Variants in PRX observed in about 807,000 individuals in gnomAD.
The protein encoded by PRX is periaxin.
In PRX, 24 loss-of-function variants were observed where a neutral mutation model predicts 29.6. That is an observed-to-expected ratio of 0.81 (90% CI 0.59 to 1.14). PRX has a LOEUF of 1.14. Among genes scored for constraint, PRX ranks in the 50% most tolerant of loss-of-function variants. The pLI is 0.00. For synonymous variants in PRX, 772 were observed against 831.7 expected (o/e 0.93, Z 1.24); for missense variants, 1,838 against 1,926.4 (o/e 0.95, Z 0.86).
chr19:40,402,509 C>T (rs191794372), intron 5 of PRX, among the ~76,000 whole-genome samples: 29 of 152,000 alleles, frequency 1.9e-4, no homozygotes, highest in Non-Finnish European at 3.2e-4. Flanking sequence ...CGGTGGCTCA[C>T]ACCTGTAATC....
Position 40,394,560 on chromosome 19 carries a change from C to A in PRX, c.3792G>T (p.Gln1264His). ...AGAAGGTACGCTCGGCCCCTGGGGG[C>A]TGCTCCTCAGCACCCTCGCCCCCCA... ...ARVGGEGAEE[Q>H]PPGAERTFCL... The change falls in exon 7 of 7, where the codon CAG (glutamine) becomes CAT (histidine). Residue 1264 changes from glutamine to histidine, a missense_variant. Transcript: ENST00000324001. This position sits in a 1 kb window ranked among gnomAD's most constrained non-coding sequence, Gnocchi z 5.8. The A allele has an allele frequency of 1.2e-6, 2 of 1,608,362 alleles. No homozygotes were observed. Among genetic ancestry groups the A allele is most frequent in the Non-Finnish European group, 1.7e-6 (2 of 1,178,370 alleles).
At chr19:40,399,502 T>C (rs976504092) in intron 5 of PRX, among the ~76,000 whole-genome samples, 1 of 152,198 alleles carries the variant, frequency 6.6e-6, no homozygotes, top group African/African-American at 2.4e-5. Flanking sequence ...ACATCTGAAC[T>C]GCTCCTCTCA....
At chr19:40,407,005 C>T (rs549250664) in intron 4 of PRX, among the ~76,000 whole-genome samples, 77 of 152,116 alleles carry the variant, frequency 5.1e-4, no homozygotes, top group Middle Eastern at 3.4e-3. Context: ...AACTCCTAAC[C>T]TCAAGTGATC....
chr19:40,403,755 CCGAA>C lies in PRX; in HGVS notation c.131_134del (p.Val44GlyfsTer22). Reference sequence around the variant, plus strand: ...CGGCGGGTGAGTCCTCGCGCAGCTCCCGAACGAAGATTCCCTCTTTGCCGCCGCC... The same window carrying C: ...CGGCGGGTGAGTCCTCGCGCAGCTCCCGAAGATTCCCTCTTTGCCGCCGCC... On this transcript the variant is annotated frameshift_variant, in exon 5 of 7. Transcript: ENST00000324001. LOFTEE classifies it high-confidence loss of function. 2 of 1,586,244 alleles carry C rather than the reference CCGAA, an allele frequency of 1.3e-6. No individual in the cohort carries two copies. The highest frequency in any genetic ancestry group is 1.7e-6 in the Non-Finnish European group (2 of 1,167,544).
chr19:40,401,527 A>T, intron 5 of PRX, among the ~76,000 whole-genome samples: 1 of 152,186 alleles, frequency 6.6e-6, no homozygotes. Flanking sequence ...CAGCCCTCAC[A>T]GAATAAAAGC....
intron 5 of PRX, among the ~76,000 whole-genome samples, chr19:40,401,803 T>C (rs2145738668): frequency 6.6e-6 from 1 of 151,568 alleles, no homozygotes; most frequent in East Asian, 1.9e-4. Flanking sequence ...AGTTTTGCTC[T>C]TTCGCCCAGG....
At chr19:40,407,762 C>T in intron 4 of PRX, 144 bp downstream of exon 4, 1 of 1,142,558 alleles carries the variant, frequency 8.8e-7, no homozygotes. Context: ...CTCACAGTGA[C>T]CCATAAAATA....
intron 5 of PRX, among the ~76,000 whole-genome samples, chr19:40,401,500 A>G (rs2079493695): frequency 1.3e-5 from 2 of 152,096 alleles, no homozygotes; most frequent in South Asian, 4.1e-4. Flanking sequence ...CAGTCAATTC[A>G]CGTTTCTCCC....
At position 40,400,592 on chromosome 19, in the gene PRX, C is replaced by CAAAAAAAAAAAAAAAAAAAAAAA. The variant is rs71171569; in HGVS notation, c.185-1799_185-1777dup. Among the ~76,000 whole-genome samples, 12 of 44,830 alleles carry CAAAAAAAAAAAAAAAAAAAAAAA rather than the reference C, an allele frequency of 2.7e-4. 1 individual carries two copies. The highest frequency in any genetic ancestry group is 4.9e-4 in the African/African-American group (5 of 10,146). The allele number at this position is 44,830 out of a possible 152,430, so 29.4% of individuals were successfully genotyped here. ...GGGCAACAAGAGCGAAATTCCATCTCAAAAAAAAAAAAAAAAAAAAAAAAA... is the reference window on the plus strand; with the variant it reads ...GGGCAACAAGAGCGAAATTCCATCTCAAAAAAAAAAAAAAAAAAAAAAAAAAAAAAAAAAAAAAAAAAAAAAAA... On this transcript the variant is annotated intron_variant, in intron 5 of 6. Coordinates refer to ENST00000324001, the MANE Select transcript of PRX (RefSeq NM_181882.3).
intron 4 of PRX, among the ~76,000 whole-genome samples, chr19:40,406,771 CT>C (rs59493934): frequency 0.011 from 1,328 of 121,324 alleles, 19 homozygotes; most frequent in African/African-American, 0.04. Context: ...ACCTCCATTT[CT>C]TTTTTTTTTT....
intron 4 of PRX, among the ~76,000 whole-genome samples, chr19:40,406,399 C>T (rs950340291): frequency 1.5e-4 from 23 of 152,048 alleles, no homozygotes; most frequent in African/African-American, 5.6e-4. Context: ...ATTTCATCCT[C>T]TCCCTATAGC....
At chr19:40,413,910 A>G (rs76110311), upstream of PRX, among the ~76,000 whole-genome samples, 1,609 of 152,290 alleles carry the variant, frequency 0.011, 26 homozygotes, top group African/African-American at 0.037. Context: ...AGGGTTACTA[A>G]TAAGTATTTG....
At chr19:40,412,754 C>T (rs999524777) in intron 1 of PRX, among the ~76,000 whole-genome samples, 3 of 152,168 alleles carry the variant, frequency 2.0e-5, no homozygotes, top group African/African-American at 7.2e-5. Context: ...CTCCCTCTGT[C>T]ACTGAGACTG....
intron 5 of PRX, among the ~76,000 whole-genome samples, chr19:40,399,976 TTTC>T (rs1190336090): frequency 6.6e-5 from 9 of 137,202 alleles, no homozygotes; most frequent in African/African-American, 2.7e-4. Context: ...TCTGTCTGTC[TTTC>T]TTTTCTTTTC....
At chr19:40,401,898 C>T (rs1014576683) in intron 5 of PRX, among the ~76,000 whole-genome samples, 68 of 151,870 alleles carry the variant, frequency 4.5e-4, no homozygotes, top group African/African-American at 1.5e-3. Flanking sequence ...GGATTATAGG[C>T]GCCTACCACC....
At chr19:40,412,836 C>T (rs1422424020) in intron 1 of PRX, among the ~76,000 whole-genome samples, 4 of 152,206 alleles carry the variant, frequency 2.6e-5, no homozygotes, top group African/African-American at 7.2e-5. Flanking sequence ...CCATCTCAGC[C>T]TCCAGAGTAG....
Position 40,397,587 on chromosome 19 carries a change from C to T in PRX, c.765G>A (p.Lys255=). 6.5e-7 allele frequency: 1 copy of T among 1,542,768 alleles called. No individual in the cohort carries two copies. The part of the protein sequence containing the change: ...EVGVPQVSAP[K]AAPSAEAAGG... ...CAGCTGCCTCTGCTGAGGGGGCAGC[C>T]TTGGGGGCTGAGACCTGGGGGACAC... is the stretch of plus-strand genomic sequence containing the variant. Residue 255 remains lysine (K), a synonymous_variant, in exon 7 of 7, where the codon AAG becomes AAA. Coordinates refer to ENST00000324001, the MANE Select transcript of PRX (RefSeq NM_181882.3).
In PRX at chr19:40,395,809, C is replaced by T. The variant is rs570322417; in HGVS notation, c.2543G>A (p.Gly848Asp). 6.2e-7 allele frequency: 1 copy of T among 1,614,200 alleles called. No individual in the cohort carries two copies. Among genetic ancestry groups the T allele is most frequent in the Non-Finnish European group, 8.5e-7 (1 of 1,180,052 alleles). Residue 848 changes from glycine (G) to aspartate (D), a missense_variant, in exon 7 of 7, where the codon GGT becomes GAT. Physicochemically the swap from Gly to Asp is moderately conservative, Grantham distance 94. Around this residue, in one of 3 missense-constraint regions of PRX, gnomAD observed 1,143 missense variants for 1,193.0 expected, o/e 0.96. Coordinates refer to ENST00000324001, the MANE Select transcript of PRX (RefSeq NM_181882.3). ...TGAAGGCAGAGTGAGAGAGGGGACA[C>T]CCACATGAGCCTCACCATCCACCTC... is the stretch of plus-strand genomic sequence containing the variant. ...QPEVDGEAHV[G>D]VPSLTLPSVE...
rs751126995 is a variant in PRX, at chr19:40,394,424, G to C, written c.3928C>G (p.Arg1310Gly). 5.6e-6 allele frequency: 9 copies of C among 1,601,600 alleles called. No homozygotes were observed. The highest frequency in any genetic ancestry group is 4.0e-5 in the African/African-American group (3 of 74,640). ...TCCTTGGCCCGCACCAGGCCAAACCGGGGCAGCCGTACCTTGAGCTTGTGT... is the reference window on the plus strand; with the variant it reads ...TCCTTGGCCCGCACCAGGCCAAACCCGGGCAGCCGTACCTTGAGCTTGTGT... ...AGHKLKVRLPRFGLVRAKEGA... is the reference protein window; with the variant it reads ...AGHKLKVRLPGFGLVRAKEGA... The change falls in exon 7 of 7, where the codon CGG becomes GGG. Residue 1310 changes from arginine (R) to glycine (G), a missense_variant. By Grantham distance (125) the Arg-to-Gly change is moderately radical (BLOSUM62 -2). This residue lies in a region of PRX where 1,143 missense variants were observed against 1,193.0 expected (regional missense o/e 0.96). Transcript: ENST00000324001. This position sits in a 1 kb window ranked among gnomAD's most constrained non-coding sequence, Gnocchi z 5.8.
Sources: gnomAD v4.1 joint callset for allele counts (sites outside exome capture counted in the v4.1 genomes callset) on GRCh38, gnomAD v4.1.1 for gene constraint, gnomAD v4.1.1 regional missense constraint, Gnocchi (gnomAD v3.1) non-coding constraint, MANE v1.5 for transcripts, NCBI Gene and HGNC (gene_info 2026-07-23, HGNC 2026-07-21) for gene names.